The following PTPRD variants were observed in gnomAD, a reference collection of about 807,000 sequenced individuals.
PTPRD encodes protein tyrosine phosphatase receptor type D.
A neutral mutation model predicts 214.5 loss-of-function variants in PTPRD; 34 were observed. The ratio of observed to expected loss-of-function variants is 0.16; its 90% CI spans 0.12 to 0.21. The LOEUF is 0.21. Ranked by LOEUF, PTPRD falls within the 10% of genes least tolerant of loss-of-function variation. PTPRD has a pLI of 1.00. For synonymous variants in PTPRD, 1,128 were observed against 845.7 expected, an observed-to-expected ratio of 1.33 and a Z score of -5.79; for missense variants, 2,545 against 2,398.7, an observed-to-expected ratio of 1.06 and a Z score of -1.27.
At chr9:9,265,881 C>G (rs1022168121) in intron 9 of PTPRD, among the ~76,000 whole-genome samples, 1 of 151,214 alleles carries the variant, frequency 6.6e-6, no homozygotes, top group Non-Finnish European at 1.5e-5. Flanking sequence ...AAGTTCTTAC[C>G]CATCAATAAT....
chr9:8,317,695 T>A lies in PTPRD; in HGVS notation c.*179A>T. ...TATTTTTCAGGTTAGATTATTAAACTGTGAATTCTTGGTCCACCTGGAATA... is the reference window on the plus strand; with the variant it reads ...TATTTTTCAGGTTAGATTATTAAACAGTGAATTCTTGGTCCACCTGGAATA... On this transcript the variant is annotated 3_prime_UTR_variant, in exon 46 of 46. Coordinates refer to ENST00000381196, the MANE Select transcript of PTPRD (RefSeq NM_002839.4). 2.0e-6 allele frequency: 1 copy of A among 508,572 alleles called. No homozygotes were observed. The highest frequency in any genetic ancestry group is 3.6e-6 in the Non-Finnish European group (1 of 276,324). The allele number at this position is 508,572 out of a possible 1,614,324, so 31.5% of individuals were successfully genotyped here.
chr9:10,270,905 A>C (rs1181355164), intron 3 of PTPRD, among the ~76,000 whole-genome samples: 1 of 151,932 alleles, frequency 6.6e-6, no homozygotes, highest in African/African-American at 2.4e-5. Context: ...ATCATAGCTC[A>C]CTGCAGTCTT....
At chr9:10,294,583 T>C (rs2154402397) in intron 3 of PTPRD, among the ~76,000 whole-genome samples, 1 of 152,060 alleles carries the variant, frequency 6.6e-6, no homozygotes, top group African/African-American at 2.4e-5. Context: ...TGCATACATT[T>C]CTCTGGACAT....
At chr9:9,758,955 T>C (rs758444610) in intron 6 of PTPRD, among the ~76,000 whole-genome samples, 3 of 152,138 alleles carry the variant, frequency 2.0e-5, no homozygotes, top group South Asian at 2.1e-4. Context: ...GTGATTAAGG[T>C]AGCAAGTATG....
intron 2 of PTPRD, among the ~76,000 whole-genome samples, chr9:10,364,200 A>T (rs1476405818): frequency 6.6e-6 from 1 of 151,232 alleles, no homozygotes; most frequent in African/African-American, 2.4e-5. Context: ...ATAGGGTTTC[A>T]CCGCGTTAGC....
chr9:8,534,783 G>A (rs1430798725), intron 14 of PTPRD, among the ~76,000 whole-genome samples: 2 of 151,696 alleles, frequency 1.3e-5, no homozygotes, highest in East Asian at 3.9e-4. Context: ...AACTTTCTCG[G>A]AAAATTTAAA....
intron 5 of PTPRD, among the ~76,000 whole-genome samples, chr9:9,833,380 G>T (rs994636375): frequency 3.3e-5 from 5 of 151,914 alleles, no homozygotes; most frequent in Non-Finnish European, 7.4e-5. Flanking sequence ...GGGAGTATAC[G>T]AATAGGTGTG....
At chr9:9,475,226 T>G (rs2094937225) in intron 8 of PTPRD, among the ~76,000 whole-genome samples, 1 of 152,292 alleles carries the variant, frequency 6.6e-6, no homozygotes, top group African/African-American at 2.4e-5. Context: ...TATTACGAAA[T>G]CTGCAATTAT....
At chr9:9,193,937 T>A (rs940832484) in intron 9 of PTPRD, among the ~76,000 whole-genome samples, 1 of 152,164 alleles carries the variant, frequency 6.6e-6, no homozygotes, top group Non-Finnish European at 1.5e-5. Flanking sequence ...TTTTTAAAAA[T>A]TTTTTGGCTC....
chr9:8,652,476 G>A (rs919349562), intron 12 of PTPRD, among the ~76,000 whole-genome samples: 1 of 152,196 alleles, frequency 6.6e-6, no homozygotes, highest in African/African-American at 2.4e-5. Context: ...GAACACATTT[G>A]CAGATACCCA....
chr9:10,530,618 T>C (rs76062139), intron 2 of PTPRD, among the ~76,000 whole-genome samples: 128 of 152,176 alleles, frequency 8.4e-4, no homozygotes, highest in Admixed American at 2.0e-3. Flanking sequence ...GAACATAGCA[T>C]AGAGCTCAGG....
At chr9:9,181,271 A>G (rs1260123368) in intron 10 of PTPRD, among the ~76,000 whole-genome samples, 2 of 151,936 alleles carry the variant, frequency 1.3e-5, no homozygotes, top group African/African-American at 4.8e-5. Flanking sequence ...TGATTATGGT[A>G]TCTTGTTTTC....
intron 9 of PTPRD, among the ~76,000 whole-genome samples, chr9:9,320,013 G>A (rs1267932231): frequency 6.6e-6 from 1 of 152,032 alleles, no homozygotes; most frequent in African/African-American, 2.4e-5. Flanking sequence ...AGATATATTA[G>A]CTAAGAAGTT....
intron 4 of PTPRD, among the ~76,000 whole-genome samples, chr9:9,952,460 C>T (rs2093543645): frequency 6.6e-6 from 1 of 152,076 alleles, no homozygotes; most frequent in South Asian, 2.1e-4. Context: ...TGTTCAATTA[C>T]AAAACTGGTG....
At chr9:10,558,331 G>C (rs947968116) in intron 2 of PTPRD, among the ~76,000 whole-genome samples, 4 of 152,116 alleles carry the variant, frequency 2.6e-5, no homozygotes, top group Non-Finnish European at 5.9e-5. Context: ...ATTATAAGTA[G>C]ATGATGGAGG....
intron 5 of PTPRD, among the ~76,000 whole-genome samples, chr9:9,881,674 G>A (rs1163603644): frequency 6.6e-6 from 1 of 152,108 alleles, no homozygotes; most frequent in Non-Finnish European, 1.5e-5. Context: ...TAGATTGGTT[G>A]TATTAAGGTG....
rs138781117 is a variant in PTPRD at position 8,967,095 on chromosome 9, T to A, written c.-104+51602A>T. 7.9e-5 allele frequency among the ~76,000 whole-genome samples: 12 copies of A among 151,800 alleles called. No homozygotes were observed. The East Asian group carries it at 2.3e-3, about 30-fold the overall frequency. ...AAGGCAAATCAAAACCACAGTGAGA[T>A]ACTATCTCACACTAGTCAGAATGAC... On this transcript the variant is annotated intron_variant, in intron 11 of 45. Transcript: ENST00000381196.
intron 3 of PTPRD, among the ~76,000 whole-genome samples, chr9:10,319,767 C>A (rs560686646): frequency 8.6e-5 from 13 of 152,008 alleles, no homozygotes; most frequent in African/African-American, 3.1e-4. Context: ...ATAAAGAGTA[C>A]TTAAAGAGAG....
At chr9:8,733,692 G>T in intron 12 of PTPRD, 88 bp downstream of exon 12, 3 of 1,318,984 alleles carry the variant, frequency 2.3e-6, no homozygotes, top group East Asian at 2.5e-5. Flanking sequence ...CAAAGGAAAT[G>T]TATTCAGAGG....
Sources: allele counts gnomAD v4.1 joint callset (sites outside exome capture counted in the v4.1 genomes callset), GRCh38; gene constraint gnomAD v4.1.1; transcripts MANE v1.5; gene names NCBI Gene and HGNC (gene_info 2026-07-23, HGNC 2026-07-21).